Variants in RIPOR2 observed in about 807,000 individuals in gnomAD.
RIPOR2 encodes RHO family interacting cell polarization regulator 2, also known as rho family-interacting cell polarization regulator 2.
In RIPOR2, 39 loss-of-function variants were observed where a neutral mutation model predicts 114.5. The ratio of observed to expected loss-of-function variants is 0.34; its 90% CI spans 0.26 to 0.44. RIPOR2 has a LOEUF of 0.44. Ranked by LOEUF, RIPOR2 falls within the 20% of genes least tolerant of loss-of-function variation. The pLI, the probability that RIPOR2 is intolerant of heterozygous loss-of-function variation, is 1.00. For missense variants in RIPOR2, 1,007 were observed against 1,255.1 expected, an observed-to-expected ratio of 0.80 and a Z score of 2.99; for synonymous variants, 445 against 484.4, an observed-to-expected ratio of 0.92 and a Z score of 1.07.
chr6:24,975,577 G>A (rs1774006365), intron 1 of RIPOR2, among the ~76,000 whole-genome samples: 1 of 152,138 alleles, frequency 6.6e-6, no homozygotes, highest in South Asian at 2.1e-4. Flanking sequence ...CAGCTACTCG[G>A]GAGTCTGAGG....
At chr6:24,912,294 A>C (rs530665959) in intron 1 of RIPOR2, among the ~76,000 whole-genome samples, 8 of 152,282 alleles carry the variant, frequency 5.3e-5, no homozygotes, top group African/African-American at 1.9e-4. Context: ...AGTCATTCTG[A>C]AGCACCCCTT....
intron 1 of RIPOR2, among the ~76,000 whole-genome samples, chr6:25,007,830 T>C (rs1387094346): frequency 6.6e-6 from 1 of 151,992 alleles, no homozygotes; most frequent in Non-Finnish European, 1.5e-5. Flanking sequence ...TCTACATTGA[T>C]ATCCGGGAGG....
At chr6:25,029,017 G>A (rs183271653) in intron 1 of RIPOR2, among the ~76,000 whole-genome samples, 423 of 152,236 alleles carry the variant, frequency 2.8e-3, no homozygotes, top group Non-Finnish European at 4.6e-3. Flanking sequence ...GGCCGGGTAT[G>A]GTGGCTCACG....
chr6:24,865,402 C>G lies in RIPOR2; in HGVS notation c.550G>C (p.Gly184Arg). ...AAGGCTTGCTTCATTTTGCTGGCACCATCCTGGAGGCGTCGCTGGATACAA... is the reference window on the plus strand; with the variant it reads ...AAGGCTTGCTTCATTTTGCTGGCACGATCCTGGAGGCGTCGCTGGATACAA... ...AYCIQRRLQD[G>R]ASKMKQAFAT... is the part of the protein sequence containing the mutation. The change falls in exon 7 of 22, where the codon GGT becomes CGT. Residue 184 changes from glycine to arginine, a missense_variant. Gly to Arg is a moderately radical substitution (Grantham distance 125, BLOSUM62 -2). Coordinates refer to ENST00000643898, the MANE Select transcript of RIPOR2 (RefSeq NM_001286445.3). 1 of 1,613,652 alleles carries G rather than the reference C, an allele frequency of 6.2e-7. No homozygotes were observed. The highest frequency in any genetic ancestry group is 8.5e-7 in the Non-Finnish European group (1 of 1,179,688).
Position 24,825,131 on chromosome 6 carries a change from T to A in RIPOR2, c.2868+95A>T, listed in dbSNP as rs1387456679. ...CACACATTATTAATACGCAGAAAAA[T>A]TATTTTTATAAAGGAATAAATGCTA... On this transcript the variant is annotated intron_variant, in intron 19 of 21. Coordinates refer to ENST00000643898, the MANE Select transcript of RIPOR2 (RefSeq NM_001286445.3). The A allele has an allele frequency of 6.4e-6, 6 of 937,928 alleles. No homozygotes were observed. In the East Asian group the frequency reaches 1.1e-4, roughly 17 times the overall value. The allele number at this position is 937,928 out of a possible 1,614,324, so 58.1% of individuals were successfully genotyped here. A position where few individuals can be genotyped will look rare whatever the true frequency, so the allele number is the denominator to read the frequency against.
At chr6:24,834,400 A>T (rs77774617) in intron 15 of RIPOR2, among the ~76,000 whole-genome samples, 3,434 of 152,078 alleles carry the variant, frequency 0.023, 123 homozygotes, top group African/African-American at 0.072. Context: ...GTCTTCCAAC[A>T]GGTTCTGTGC....
chr6:24,850,358 G>A (rs1394181880), intron 10 of RIPOR2, among the ~76,000 whole-genome samples: 2 of 152,148 alleles, frequency 1.3e-5, no homozygotes, highest in East Asian at 3.9e-4. Context: ...GCCTCCCAAA[G>A]TGCTGGGATT....
At position 24,881,885 on chromosome 6, in the gene RIPOR2, T is replaced by A. The variant is rs551666897; in HGVS notation, c.62-6068A>T. Among the ~76,000 whole-genome samples, 97 of 152,266 alleles carry A rather than the reference T, an allele frequency of 6.4e-4. 1 individual carries two copies. The highest frequency in any genetic ancestry group is 6.2e-4 in the Non-Finnish European group (42 of 68,020). ...AGCAGATAAAAAGAGAACAAGGGAT[T>A]TCCCCTCACCCATCAGGTCTCAGGC... On this transcript the variant is annotated intron_variant, in intron 1 of 21. Transcript: ENST00000643898.
chr6:24,933,393 G>T (rs1473872016), intron 1 of RIPOR2, among the ~76,000 whole-genome samples: 1 of 152,172 alleles, frequency 6.6e-6, no homozygotes, highest in African/African-American at 2.4e-5. Flanking sequence ...TAAGTGAATT[G>T]GTTGGCAAAG....
chr6:25,029,615 C>T (rs1416435713), intron 1 of RIPOR2, among the ~76,000 whole-genome samples: 2 of 151,810 alleles, frequency 1.3e-5, no homozygotes, highest in South Asian at 2.1e-4. Context: ...CCCTCCGTGC[C>T]CCACATCACT....
intron 1 of RIPOR2, among the ~76,000 whole-genome samples, chr6:24,956,618 C>G (rs1773055106): frequency 6.6e-6 from 1 of 152,070 alleles, no homozygotes; most frequent in African/African-American, 2.4e-5. Context: ...GAAACTGAGG[C>G]CTAAGGAATT....
intron 1 of RIPOR2, among the ~76,000 whole-genome samples, chr6:24,895,293 C>T (rs1455028942): frequency 6.6e-6 from 1 of 152,164 alleles, no homozygotes; most frequent in Admixed American, 6.5e-5. Flanking sequence ...TCATGATCCG[C>T]CCGCCTTGGC....
intron 1 of RIPOR2, among the ~76,000 whole-genome samples, chr6:24,927,563 C>G (rs1421160963): frequency 6.6e-6 from 1 of 150,858 alleles, no homozygotes; most frequent in African/African-American, 2.4e-5. Context: ...TCATCATCAC[C>G]TTACCACCAC....
At chr6:25,019,474 TAGAA>T (rs1776185957) in intron 1 of RIPOR2, among the ~76,000 whole-genome samples, 1 of 152,054 alleles carries the variant, frequency 6.6e-6, no homozygotes, top group South Asian at 2.1e-4. Context: ...AGTGAAAAGT[TAGAA>T]AGAGAGGTCG....
intron 1 of RIPOR2, among the ~76,000 whole-genome samples, chr6:24,918,980 AAC>A (rs1220243993): frequency 6.6e-6 from 1 of 152,104 alleles, no homozygotes; most frequent in Admixed American, 6.5e-5. Flanking sequence ...TCCCCCAACT[AAC>A]ACACATTTTA....
chr6:25,000,545 ACTT>A (rs1183163208), intron 1 of RIPOR2, among the ~76,000 whole-genome samples: 1 of 152,136 alleles, frequency 6.6e-6, no homozygotes, highest in African/African-American at 2.4e-5. Flanking sequence ...TTAATGCAGC[ACTT>A]CTTTTTCCCA....
chr6:24,953,134 G>A (rs1772857100), intron 1 of RIPOR2, among the ~76,000 whole-genome samples: 2 of 152,192 alleles, frequency 1.3e-5, no homozygotes, highest in South Asian at 2.1e-4. Flanking sequence ...AGGAGTTCAA[G>A]ACCAGCCTGA....
chr6:24,950,014 T>G (rs980613521), intron 1 of RIPOR2, among the ~76,000 whole-genome samples: 7 of 152,226 alleles, frequency 4.6e-5, no homozygotes, highest in Non-Finnish European at 1.0e-4. Context: ...CTGCTCATCC[T>G]AGAGATGACC....
intron 1 of RIPOR2, among the ~76,000 whole-genome samples, chr6:24,885,693 T>C (rs1237377052): frequency 6.6e-6 from 1 of 152,240 alleles, no homozygotes; most frequent in Non-Finnish European, 1.5e-5. Context: ...CTCATTTATA[T>C]AAAAGGATTA....
Sources: gnomAD v4.1 joint callset for allele counts (sites outside exome capture counted in the v4.1 genomes callset) on GRCh38, gnomAD v4.1.1 for gene constraint, MANE v1.5 for transcripts, NCBI Gene and HGNC (gene_info 2026-07-23, HGNC 2026-07-21) for gene names.